Variants in HDAC8 observed in about 807,000 individuals in gnomAD.
The protein encoded by HDAC8 is histone deacetylase 8, also known as histone deacetylase-like 1.
In HDAC8, 1 loss-of-function variant was observed where a neutral mutation model predicts 32.2. The ratio of observed to expected loss-of-function variants is 0.03; its 90% CI spans 0.01 to 0.15. The LOEUF is 0.15. Ranked by LOEUF, HDAC8 falls within the 10% of genes least tolerant of loss-of-function variation. The pLI is 1.00. For synonymous variants in HDAC8, 108 were observed against 113.9 expected, an observed-to-expected ratio of 0.95 and a Z score of 0.33; for missense variants, 117 against 300.0, an observed-to-expected ratio of 0.39 and a Z score of 4.51.
chrX:72,458,968 C>T (rs1209471580), intron 9 of HDAC8, among the ~76,000 whole-genome samples: 1 of 111,815 alleles, frequency 8.9e-6, no homozygotes, highest in Non-Finnish European at 1.9e-5. Flanking sequence ...CTGTAATCTA[C>T]ACATAGCAAA....
chrX:72,564,819 T>C (rs1282294725), intron 4 of HDAC8, among the ~76,000 whole-genome samples: 2 of 112,442 alleles, frequency 1.8e-5, no homozygotes, highest in African/African-American at 6.5e-5. Context: ...GGATGCTTAA[T>C]ATCTAATAGT....
chrX:72,451,145 T>C (rs1425600602), intron 9 of HDAC8, among the ~76,000 whole-genome samples: 2 of 110,957 alleles, frequency 1.8e-5, no homozygotes, highest in Non-Finnish European at 3.8e-5. Flanking sequence ...ATAGGATAAA[T>C]ACAAACAAAT....
At chrX:72,561,075 T>C (rs1382415532) in intron 4 of HDAC8, among the ~76,000 whole-genome samples, 1 of 112,044 alleles carries the variant, frequency 8.9e-6, no homozygotes, top group Non-Finnish European at 1.9e-5. Context: ...ACACATTCCA[T>C]GCTCATGGAT....
intron 10 of HDAC8, among the ~76,000 whole-genome samples, chrX:72,338,689 A>G (rs1419621552): frequency 2.3e-5 from 2 of 88,843 alleles, no homozygotes; most frequent in Non-Finnish European, 4.1e-5. Flanking sequence ...ATATACAAAT[A>G]TATATATATA....
chrX:72,370,707 A>G (rs2147795685), intron 9 of HDAC8, among the ~76,000 whole-genome samples: 1 of 112,219 alleles, frequency 8.9e-6, no homozygotes, highest in Non-Finnish European at 1.9e-5. Context: ...AGGTCCCACA[A>G]TAGGCTGAGG....
rs533625419 is a variant in HDAC8 at position 72,551,266 on chromosome X, T to C, written c.437+16623A>G. 3.6e-5 allele frequency among the ~76,000 whole-genome samples: 4 copies of C among 112,014 alleles called. No individual in the cohort carries two copies. In the South Asian group the frequency reaches 1.5e-3, roughly 42 times the overall value. ...AACACTAATGAAGTCCTTGAATATT[T>C]TGGCAAAATCAGCCCTCTTAAAGAT... On this transcript the variant is annotated intron_variant, in intron 4 of 10. Transcript: ENST00000373573.
At chrX:72,563,300 C>T (rs180985724) in intron 4 of HDAC8, among the ~76,000 whole-genome samples, 2 of 111,610 alleles carry the variant, frequency 1.8e-5, no homozygotes, top group African/African-American at 6.5e-5. Context: ...ACTGTAATCC[C>T]AGCACTTTGG....
chrX:72,414,678 A>G (rs2046287919), intron 9 of HDAC8, among the ~76,000 whole-genome samples: 1 of 111,908 alleles, frequency 8.9e-6, no homozygotes, highest in Non-Finnish European at 1.9e-5. Context: ...TGTTTGTCCA[A>G]CACCTCCCAC....
chrX:72,475,279 C>T (rs896980025), intron 7 of HDAC8, among the ~76,000 whole-genome samples: 6 of 112,152 alleles, frequency 5.3e-5, no homozygotes, highest in African/African-American at 1.3e-4. Flanking sequence ...TTGCTACTAA[C>T]GCTTTGAATT....
chrX:72,565,448 C>T (rs1214155076), intron 4 of HDAC8, among the ~76,000 whole-genome samples: 1 of 111,867 alleles, frequency 8.9e-6, no homozygotes, highest in African/African-American at 3.3e-5. Flanking sequence ...CAGGCATGTC[C>T]GTTTCCATGC....
At chrX:72,440,130 G>T (rs2047080830) in intron 9 of HDAC8, among the ~76,000 whole-genome samples, 2 of 112,119 alleles carry the variant, frequency 1.8e-5, no homozygotes, top group Non-Finnish European at 3.8e-5. Flanking sequence ...CAGTCTCTCA[G>T]ACTACAGCAC....
At position 72,343,344 on chromosome X, in the gene HDAC8, A is replaced by AT. The variant is rs1312835825; in HGVS notation, c.1111+8388dup. Among the ~76,000 whole-genome samples, 5 of 109,185 alleles carry AT rather than the reference A, an allele frequency of 4.6e-5. No individual in the cohort carries two copies. The East Asian group carries it at 8.7e-4, about 19-fold the overall frequency. 94.8% of individuals were successfully genotyped at this position (109,185 alleles called of 115,157 possible). ...GTCATCACACCCAGCTCAGTTTTAC[A>AT]TTTTTTTTGGTAGAGACAGGGTTTT... On this transcript the variant is annotated intron_variant, in intron 10 of 10. Transcript: ENST00000373573.
Position 72,345,964 on chromosome X carries a change from C to T in HDAC8, c.1111+5769G>A, listed in dbSNP as rs781894045. Among the ~76,000 whole-genome samples the T allele has an allele frequency of 7.2e-5, 8 of 111,878 alleles. 1 individual carries two copies. The highest frequency in any genetic ancestry group is 1.9e-4 in the Admixed American group (2 of 10,551). Reference sequence around the variant, plus strand: ...CTCCCAAAGTGCTGGATTACAAGCTCGAGCCATGGCGCCCGGCCCAGAATT... The same window carrying T: ...CTCCCAAAGTGCTGGATTACAAGCTTGAGCCATGGCGCCCGGCCCAGAATT... On this transcript the variant is annotated intron_variant, in intron 10 of 10. Coordinates refer to ENST00000373573, the MANE Select transcript of HDAC8 (RefSeq NM_018486.3).
At chrX:72,388,908 T>G (rs1292253582) in intron 9 of HDAC8, among the ~76,000 whole-genome samples, 1 of 112,159 alleles carries the variant, frequency 8.9e-6, no homozygotes, top group African/African-American at 3.2e-5. Context: ...TGCCTTGATC[T>G]TGGACTTCCA....
chrX:72,346,267 C>T (rs1179928154), intron 10 of HDAC8, among the ~76,000 whole-genome samples: 2 of 111,822 alleles, frequency 1.8e-5, no homozygotes, highest in Non-Finnish European at 3.8e-5. Context: ...CTCAGGTATC[C>T]TCCAAAACCC....
intron 10 of HDAC8, among the ~76,000 whole-genome samples, chrX:72,333,763 G>A (rs1331653728): frequency 4.6e-5 from 5 of 109,625 alleles, no homozygotes; most frequent in East Asian, 2.9e-4. Context: ...ACTCCTTAGC[G>A]TAAATGGGCC....
intron 9 of HDAC8, among the ~76,000 whole-genome samples, chrX:72,353,715 G>A (rs1045005529): frequency 8.9e-6 from 1 of 111,832 alleles, no homozygotes; most frequent in African/African-American, 3.3e-5. Flanking sequence ...AGTGTGTCAA[G>A]TGGTACACTC....
chrX:72,439,330 A>C (rs781887273), intron 9 of HDAC8, among the ~76,000 whole-genome samples: 6 of 111,720 alleles, frequency 5.4e-5, no homozygotes, highest in Admixed American at 9.5e-5. Context: ...ATATGGAAAG[A>C]AAAAACCAGT....
rs189338863 is a variant in HDAC8, at chrX:72,536,547, C to T, written c.437+31342G>A. Reference sequence around the variant, plus strand: ...TACATATAGCTAAATAAATAAGCTTCGTGCACATCTGCTTCTCTCCACATA... The same window carrying T: ...TACATATAGCTAAATAAATAAGCTTTGTGCACATCTGCTTCTCTCCACATA... On this transcript the variant is annotated intron_variant, in intron 4 of 10. Coordinates refer to ENST00000373573, the MANE Select transcript of HDAC8 (RefSeq NM_018486.3). Among the ~76,000 whole-genome samples the T allele has an allele frequency of 3.9e-4, 44 of 112,559 alleles. No homozygotes were observed. In the East Asian group the frequency reaches 8.9e-3, roughly 23 times the overall value.
Sources: allele counts gnomAD v4.1 joint callset (sites outside exome capture counted in the v4.1 genomes callset), GRCh38; gene constraint gnomAD v4.1.1; transcripts MANE v1.5; gene names NCBI Gene and HGNC (gene_info 2026-07-23, HGNC 2026-07-21).